ESPL1: variants seen among roughly 807,000 people sequenced by gnomAD.
ESPL1 encodes the protein separin.
In ESPL1, 50 loss-of-function variants were observed where a neutral mutation model predicts 217.2. The ratio of observed to expected loss-of-function variants is 0.23; its 90% confidence interval spans 0.18 to 0.29. ESPL1 has a LOEUF of 0.29. Ranked by LOEUF, ESPL1 falls within the 10% of genes least tolerant of loss-of-function variation. ESPL1 has a pLI of 1.00. For synonymous variants in ESPL1, 994 were observed against 1,081.3 expected, an observed-to-expected ratio of 0.92 and a Z score of 1.58; for missense variants, 1,834 against 2,603.0, an observed-to-expected ratio of 0.70 and a Z score of 6.43.
In ESPL1 at chr12:53,292,318, G is replaced by A. The variant is rs767677452; in HGVS notation, c.5837G>A (p.Arg1946Gln). The A allele has an allele frequency of 6.8e-6, 11 of 1,613,958 alleles. No homozygotes were observed. Among genetic ancestry groups the A allele is most frequent in the Admixed American group, 3.3e-5 (2 of 59,998 alleles). Reference protein sequence around the residue: ...SPVLSQGVDPRSTFYVLNPHN... With the variant: ...SPVLSQGVDPQSTFYVLNPHN... ...GTGCTGAGTCAAGGGGTGGATCCAC[G>A]AAGTACCTTCTATGTCCTGAACCCT... The change falls in exon 28 of 31, where the codon CGA (arginine) becomes CAA (glutamine). Residue 1946 changes from arginine (R) to glutamine (Q), a missense_variant. By Grantham distance (43) the Arg-to-Gln change is conservative (BLOSUM62 1). This residue lies in a region of ESPL1 where 295 missense variants were observed against 519.8 expected (regional missense o/e 0.57). Coordinates refer to ENST00000257934, the MANE Select transcript of ESPL1 (RefSeq NM_012291.5). This position sits in a 1 kb window ranked among gnomAD's most constrained non-coding sequence, Gnocchi z 4.5.
chr12:53,286,477 A>G lies in ESPL1; in HGVS notation c.3741A>G (p.Leu1247=), dbSNP rs1391827992. ...CAAACGAGAGCCTGCAGAAGGTTCT[A>G]CAGTCAGGGCTGAAGTTTGTAGCAG... The part of the protein sequence containing the change: ...QPSNESLQKV[L]QSGLKFVAAR... Residue 1247 remains leucine, a synonymous_variant, in exon 18 of 31, where the codon CTA becomes CTG. Coordinates refer to ENST00000257934, the MANE Select transcript of ESPL1 (RefSeq NM_012291.5). The surrounding 1 kb of genome is among the most constrained non-coding windows in gnomAD (Gnocchi z 5.3). The G allele has an allele frequency of 5.6e-6, 9 of 1,614,184 alleles. No individual in the cohort carries two copies. Among genetic ancestry groups the G allele is most frequent in the Non-Finnish European group, 5.9e-6 (7 of 1,179,998 alleles).
At chr12:53,289,707 A>C (rs1430081455) in intron 22 of ESPL1, 113 bp downstream of exon 22, 2 of 854,124 alleles carry the variant, frequency 2.3e-6, no homozygotes, top group Non-Finnish European at 3.6e-6. Flanking sequence ...TATGACCCTT[A>C]TGTCATACCT....
At chr12:53,273,033 ATTTT>A (rs1287601708) in intron 6 of ESPL1, among the ~76,000 whole-genome samples, 176 bp downstream of exon 6, 1 of 122,922 alleles carries the variant, frequency 8.1e-6, no homozygotes. Context: ...CTGTTGACTC[ATTTT>A]TTTTTTTTTT....
chr12:53,274,279 G>A (rs1943726589), intron 6 of ESPL1: 1 of 155,504 alleles, frequency 6.4e-6, no homozygotes, highest in Admixed American at 6.2e-5. Context: ...AAGGATTTAA[G>A]TGGAGGCATG....
At chr12:53,270,652 C>T (rs751448597) in intron 4 of ESPL1, 26 bp from the exon 5 acceptor site, 2 of 1,613,880 alleles carry the variant, frequency 1.2e-6, no homozygotes, top group Admixed American at 1.7e-5. Flanking sequence ...TGACTCCTCA[C>T]TCTCAAACCC....
At position 53,286,599 on chromosome 12, in the gene ESPL1, T is replaced by C; in HGVS notation, c.3863T>C (p.Phe1288Ser). Residue 1288 changes from phenylalanine (F) to serine (S), a missense_variant, in exon 18 of 31, where the codon TTT becomes TCT. Around this residue, in one of 5 missense-constraint regions of ESPL1, gnomAD observed 681 missense variants for 808.0 expected, o/e 0.84. Transcript: ENST00000257934. The surrounding 1 kb of genome is among the most constrained non-coding windows in gnomAD (Gnocchi z 5.3). ...CTCAGCTGCTGTACTACCCAACTTTTTGCAAGCTCCTGGGGCTGGCAGCCA... is the reference window on the plus strand; with the variant it reads ...CTCAGCTGCTGTACTACCCAACTTTCTGCAAGCTCCTGGGGCTGGCAGCCA... Reference protein sequence around the residue: ...GGLSCCTTQLFASSWGWQPPL... With the variant: ...GGLSCCTTQLSASSWGWQPPL... The C allele has an allele frequency of 6.2e-7, 1 of 1,614,182 alleles. No individual in the cohort carries two copies. The highest frequency in any genetic ancestry group is 8.5e-7 in the Non-Finnish European group (1 of 1,180,042).
chr12:53,283,643 C>T (rs1255329314), intron 16 of ESPL1, 105 bp downstream of exon 16: 1 of 1,166,960 alleles, frequency 8.6e-7, no homozygotes, highest in African/African-American at 1.5e-5. Context: ...TGTTTAGATA[C>T]ATTCGTGGAA....
Position 53,288,560 on chromosome 12 carries a change from C to T in ESPL1, c.4569C>T (p.Gly1523=). The T allele has an allele frequency of 1.2e-6, 2 of 1,613,158 alleles. No homozygotes were observed. Among genetic ancestry groups the T allele is most frequent in the Non-Finnish European group, 1.7e-6 (2 of 1,179,778 alleles). The part of the protein sequence containing the change: ...SASGGKTPAP[G]PEAASGEWEL... ...CAGGTGGGAAGACTCCAGCTCCGGG[C>T]CCTGAGGCAGCTTCTGGAGAATGGG... The change falls in exon 20 of 31, where the codon GGC becomes GGT. Residue 1523 remains glycine (G), a synonymous_variant. Transcript: ENST00000257934.
At chr12:53,278,638 C>G (rs1592484991) in intron 11 of ESPL1, among the ~76,000 whole-genome samples, 1 of 148,846 alleles carries the variant, frequency 6.7e-6, no homozygotes, top group Non-Finnish European at 1.5e-5. Flanking sequence ...GTCGCCCAGG[C>G]TGGAGTGCAG....
Position 53,269,532 on chromosome 12 carries a change from G to A in ESPL1, c.590G>A (p.Arg197Gln). 5 of 1,614,196 alleles carry A rather than the reference G, an allele frequency of 3.1e-6. No individual in the cohort carries two copies. Among genetic ancestry groups the A allele is most frequent in the Admixed American group, 3.3e-5 (2 of 60,022 alleles). The change falls in exon 3 of 31, where the codon CGA becomes CAA. Residue 197 changes from arginine (R) to glutamine (Q), a missense_variant. Transcript: ENST00000257934. The surrounding 1 kb of genome is among the most constrained non-coding windows in gnomAD (Gnocchi z 6.7). ...CACTTTGCTTCTCCAACAGCCTGTC[G>A]AGCGGTAGCTGCCCATCAGCTATTT... ...VPHFASPTACRAVAAHQLFDA... is the reference protein window; with the variant it reads ...VPHFASPTACQAVAAHQLFDA...
At chr12:53,287,950 C>T in intron 18 of ESPL1, 22 bp from the exon 19 acceptor site, 1 of 1,564,138 alleles carries the variant, frequency 6.4e-7, no homozygotes, top group South Asian at 1.2e-5. Flanking sequence ...CTTAGCCCTT[C>T]ACCCTTTCAC....
chr12:53,277,233 T>C lies in ESPL1; in HGVS notation c.2085+6T>C, dbSNP rs1943783677. ...TGGAAGCCAAAATGCAGGAAGTGAG[T>C]GTGGCTGCTGTGGGGCTCACCAGAA... On this transcript the variant is annotated splice_donor_region_variant and intron_variant, in intron 9 of 30. Coordinates refer to ENST00000257934, the MANE Select transcript of ESPL1 (RefSeq NM_012291.5). 1.9e-6 allele frequency: 3 copies of C among 1,603,088 alleles called. No homozygotes were observed. Among genetic ancestry groups the C allele is most frequent in the African/African-American group, 1.3e-5 (1 of 74,726 alleles).
chr12:53,283,000 T>C lies in ESPL1; in HGVS notation c.2792-129T>C. On this transcript the variant is annotated intron_variant, in intron 14 of 30. Coordinates refer to ENST00000257934, the MANE Select transcript of ESPL1 (RefSeq NM_012291.5). The surrounding 1 kb of genome is among the most constrained non-coding windows in gnomAD (Gnocchi z 4.0). ...CCAGGGGATCTCAGAGGGAAGGAGT[T>C]ATGAGATTGATTAGCTCTGCCTGCC... 8.2e-7 allele frequency: 1 copy of C among 1,218,760 alleles called. No homozygotes were observed. Among genetic ancestry groups the C allele is most frequent in the African/African-American group, 1.5e-5 (1 of 66,872 alleles). 75.5% of individuals were successfully genotyped at this position (1,218,760 alleles called of 1,614,324 possible).
chr12:53,277,997 C>A, intron 11 of ESPL1, 37 bp downstream of exon 11: 1 of 1,603,732 alleles, frequency 6.2e-7, no homozygotes, highest in Non-Finnish European at 8.5e-7. Context: ...CCCATATAAA[C>A]AAGGACTAGA....
Position 53,282,512 on chromosome 12 carries a change from C to T in ESPL1, c.2791+77C>T. On this transcript the variant is annotated intron_variant, in intron 14 of 30. Coordinates refer to ENST00000257934, the MANE Select transcript of ESPL1 (RefSeq NM_012291.5). This position sits in a 1 kb window ranked among gnomAD's most constrained non-coding sequence, Gnocchi z 4.0. ...GCTGTCAGCTCTTCTCAAACCTCAT[C>T]CCCTCTGCTGGCTAACTATGTGGCC... 1 of 1,365,670 alleles carries T rather than the reference C, an allele frequency of 7.3e-7. No homozygotes were observed. Among genetic ancestry groups the T allele is most frequent in the Non-Finnish European group, 1.0e-6 (1 of 976,734 alleles). The allele number at this position is 1,365,670 out of a possible 1,614,324, so 84.6% of individuals were successfully genotyped here. A position where few individuals can be genotyped will look rare whatever the true frequency, so the allele number is the denominator to read the frequency against.
Position 53,292,204 on chromosome 12 carries a change from A to T in ESPL1, c.5797-74A>T. On this transcript the variant is annotated intron_variant, in intron 27 of 30. Transcript: ENST00000257934. This position sits in a 1 kb window ranked among gnomAD's most constrained non-coding sequence, Gnocchi z 4.5. ...GGTCCTAGGAATGGCTCAGACATGGAAAGGGGCTGAGATTGTTAGAGCTTG... is the reference window on the plus strand; with the variant it reads ...GGTCCTAGGAATGGCTCAGACATGGTAAGGGGCTGAGATTGTTAGAGCTTG... 1 of 1,420,758 alleles carries T rather than the reference A, an allele frequency of 7.0e-7. No homozygotes were observed. The allele number at this position is 1,420,758 out of a possible 1,614,324, so 88.0% of individuals were successfully genotyped here. A position where few individuals can be genotyped will look rare whatever the true frequency, so the allele number is the denominator to read the frequency against.
chr12:53,278,087 G>A (rs1943801584), intron 11 of ESPL1, 127 bp downstream of exon 11: 7 of 942,356 alleles, frequency 7.4e-6, no homozygotes, highest in African/African-American at 1.6e-5. Context: ...GCGCAGGGCT[G>A]TATCACCAGT....
intron 25 of ESPL1, 92 bp from the exon 26 acceptor site, chr12:53,291,598 A>G: frequency 7.1e-7 from 1 of 1,401,468 alleles, no homozygotes. Flanking sequence ...CAAAAAAAAA[A>G]GAAAACAGGG....
intron 12 of ESPL1, 142 bp downstream of exon 12, chr12:53,280,008 C>T (rs1411038264): frequency 2.2e-6 from 2 of 908,596 alleles, no homozygotes; most frequent in African/African-American, 3.5e-5. Context: ...GAGTGTGGAG[C>T]AGTTGGAGGC....
Sources: gnomAD v4.1 joint callset for allele counts (sites outside exome capture counted in the v4.1 genomes callset) on GRCh38, gnomAD v4.1.1 for gene constraint, gnomAD v4.1.1 regional missense constraint, Gnocchi (gnomAD v3.1) non-coding constraint, MANE v1.5 for transcripts, NCBI Gene and HGNC (gene_info 2026-07-23, HGNC 2026-07-21) for gene names.